VWA5B1: variants seen among roughly 807,000 people sequenced by gnomAD.
VWA5B1 encodes von Willebrand factor A domain containing 5B1.
Under a neutral mutation model 118.2 loss-of-function variants are expected in VWA5B1, and 115 were observed. The ratio of observed to expected loss-of-function variants is 0.97; its 90% CI spans 0.84 to 1.14. The LOEUF is 1.14. Ranked by LOEUF, VWA5B1 falls within the 50% of genes most tolerant of loss-of-function variation. The probability of loss-of-function intolerance (pLI) is 0.00; values close to 1 mark genes in which losing one functional copy is unlikely to be tolerated. For synonymous variants in VWA5B1, 682 were observed against 658.4 expected, an observed-to-expected ratio of 1.04 and a Z score of -0.55; for missense variants, 1,596 against 1,603.8, an observed-to-expected ratio of 1.00 and a Z score of 0.08.
At position 20,318,718 on chromosome 1, in the gene VWA5B1, A is replaced by T. The variant is rs1445952691; in HGVS notation, c.838A>T (p.Ser280Cys). Residue 280 changes from serine (S) to cysteine (C), a missense_variant, in exon 6 of 22, where the codon AGC (serine) becomes TGC (cysteine). Ser to Cys is a moderately radical substitution (Grantham distance 112, BLOSUM62 -1). Coordinates refer to ENST00000289815, the MANE Select transcript of VWA5B1 (RefSeq NM_001039500.3). Reference sequence around the variant, plus strand: ...GCCTGTGGAGATCCTCATCCACCCCAGCGGTACGGTGCCCCACAACGGGCC... The same window carrying T: ...GCCTGTGGAGATCCTCATCCACCCCTGCGGTACGGTGCCCCACAACGGGCC... ...DRPVEILIHPSEPHMPHVLIE... is the reference protein window; with the variant it reads ...DRPVEILIHPCEPHMPHVLIE... 1 of 1,495,590 alleles carries T rather than the reference A, an allele frequency of 6.7e-7. No homozygotes were observed. The highest frequency in any genetic ancestry group is 9.0e-7 in the Non-Finnish European group (1 of 1,115,500). The allele number at this position is 1,495,590 out of a possible 1,614,324, so 92.6% of individuals were successfully genotyped here.
At chr1:20,341,810 C>T (rs59596174) in intron 14 of VWA5B1, among the ~76,000 whole-genome samples, 21,290 of 152,040 alleles carry the variant, frequency 0.14, 1,923 homozygotes, top group East Asian at 0.52. Flanking sequence ...TAAAACCAAA[C>T]GTGCATGAAA....
At chr1:20,295,374 C>G (rs2088384537) in intron 1 of VWA5B1, among the ~76,000 whole-genome samples, 1 of 152,164 alleles carries the variant, frequency 6.6e-6, no homozygotes, top group African/African-American at 2.4e-5. Context: ...AGACTATGAA[C>G]AGTCCCAGAG....
intron 5 of VWA5B1, among the ~76,000 whole-genome samples, chr1:20,318,223 T>C (rs796787247): frequency 4.0e-5 from 6 of 151,814 alleles, no homozygotes; most frequent in South Asian, 4.2e-4. Context: ...TAGAGCAACA[T>C]TGCATTCCAG....
At chr1:20,309,865 G>C (rs1361817806) in intron 1 of VWA5B1, among the ~76,000 whole-genome samples, 9 of 148,908 alleles carry the variant, frequency 6.0e-5, no homozygotes, top group African/African-American at 2.2e-4. Flanking sequence ...CGGATACAAG[G>C]GCTTTTCTAG....
Position 20,340,086 on chromosome 1 carries a change from G to A in VWA5B1, c.2133+2250G>A, listed in dbSNP as rs571216801. Among the ~76,000 whole-genome samples the A allele has an allele frequency of 3.3e-5, 5 of 152,048 alleles. No individual in the cohort carries two copies. The South Asian group carries it at 1.0e-3, about 32-fold the overall frequency. Reference sequence around the variant, plus strand: ...ATTCCCCTTTACTTCTTTCCTGCGCGCTCCCTAGCTCTTCAGACCCATCTC... The same window carrying A: ...ATTCCCCTTTACTTCTTTCCTGCGCACTCCCTAGCTCTTCAGACCCATCTC... On this transcript the variant is annotated intron_variant, in intron 14 of 21. Coordinates refer to ENST00000289815, the MANE Select transcript of VWA5B1 (RefSeq NM_001039500.3).
At chr1:20,315,020 A>G (rs968151747) in intron 4 of VWA5B1, among the ~76,000 whole-genome samples, 7 of 152,206 alleles carry the variant, frequency 4.6e-5, no homozygotes, top group African/African-American at 1.4e-4. Flanking sequence ...TTATGTGACT[A>G]ATTATGTACT....
At chr1:20,310,310 A>G (rs1325538075) in intron 1 of VWA5B1, among the ~76,000 whole-genome samples, 1 of 152,152 alleles carries the variant, frequency 6.6e-6, no homozygotes, top group Non-Finnish European at 1.5e-5. Flanking sequence ...CTGTGCGCCA[A>G]CGCTTTGAGT....
Position 20,318,725 on chromosome 1 carries a change from C to G in VWA5B1, c.841+4C>G, listed in dbSNP as rs754381482. On this transcript the variant is annotated splice_donor_region_variant and intron_variant, in intron 6 of 21. Coordinates refer to ENST00000289815, the MANE Select transcript of VWA5B1 (RefSeq NM_001039500.3). ...GAGATCCTCATCCACCCCAGCGGTA[C>G]GGTGCCCCACAACGGGCCCCTGGGC... 30 of 1,481,144 alleles carry G rather than the reference C, an allele frequency of 2.0e-5. No individual in the cohort carries two copies. The highest frequency in any genetic ancestry group is 6.8e-5 in the Admixed American group (3 of 44,226). 91.8% of individuals were successfully genotyped at this position (1,481,144 alleles called of 1,614,324 possible). A position where few individuals can be genotyped will look rare whatever the true frequency, so the allele number is the denominator to read the frequency against.
intron 1 of VWA5B1, among the ~76,000 whole-genome samples, chr1:20,294,629 G>C (rs12081122): frequency 6.7e-6 from 1 of 150,196 alleles, no homozygotes; most frequent in South Asian, 2.1e-4. Flanking sequence ...ACAGGCATGC[G>C]CCACCACGCC....
Position 20,318,792 on chromosome 1 carries a change from AC to A in VWA5B1, c.841+72del, listed in dbSNP as rs933991821. 57 of 1,419,142 alleles carry A rather than the reference AC, an allele frequency of 4.0e-5. No individual in the cohort carries two copies. The African/African-American group carries it at 7.7e-4, about 19-fold the overall frequency. The allele number at this position is 1,419,142 out of a possible 1,614,324, so 87.9% of individuals were successfully genotyped here. ...GAGGTGCTGATCCTGTGGGGACAGA[AC>A]ATGTGGCCCCCCGCCCAGCAGCTAG... On this transcript the variant is annotated intron_variant, in intron 6 of 21. Transcript: ENST00000289815.
chr1:20,345,386 G>T, intron 16 of VWA5B1, 70 bp from the exon 17 acceptor site: 2 of 1,546,332 alleles, frequency 1.3e-6, no homozygotes, highest in South Asian at 1.2e-5. Context: ...CCCCTTTTTA[G>T]CTTCCAAAGC....
At chr1:20,347,466 G>A (rs10799630) in intron 17 of VWA5B1, among the ~76,000 whole-genome samples, 2,302 of 151,246 alleles carry the variant, frequency 0.015, 58 homozygotes, top group African/African-American at 0.052. Flanking sequence ...CTTTGAGAGA[G>A]TCTTGCTCTG....
rs1381880283 is a variant in VWA5B1 at position 20,317,558 on chromosome 1, G to A, written c.592G>A (p.Ala198Thr). 6.4e-7 allele frequency: 1 copy of A among 1,551,648 alleles called. No homozygotes were observed. Among genetic ancestry groups the A allele is most frequent in the Non-Finnish European group, 8.7e-7 (1 of 1,146,974 alleles). Residue 198 changes from alanine (A) to threonine (T), a missense_variant, in exon 5 of 22, where the codon GCC becomes ACC. By Grantham distance (58) the Ala-to-Thr change is moderately conservative. Coordinates refer to ENST00000289815, the MANE Select transcript of VWA5B1 (RefSeq NM_001039500.3). ...AGACAGGCACTGCTTCGGTGCCTGGGCCCCGGGCTCCTGGAATAAGTTGTG... is the reference window on the plus strand; with the variant it reads ...AGACAGGCACTGCTTCGGTGCCTGGACCCCGGGCTCCTGGAATAAGTTGTG... ...GKDRHCFGAW[A>T]PGSWNKLCLA...
intron 13 of VWA5B1, 108 bp downstream of exon 13, chr1:20,336,594 A>G (rs1029372872): frequency 8.4e-7 from 1 of 1,196,366 alleles, no homozygotes; most frequent in African/African-American, 1.6e-5. Flanking sequence ...AGAGGTGGGT[A>G]CTGTTATACC....
Position 20,328,126 on chromosome 1 carries a change from C to A in VWA5B1, c.1254+126C>A, listed in dbSNP as rs927901911. On this transcript the variant is annotated intron_variant, in intron 9 of 21. Transcript: ENST00000289815. The stretch of plus-strand genomic sequence containing the variant: ...TCAGAAGCTGCCTACCCACAGAGAA[C>A]CCAGATCACACCCGGGGGCAGAGAA... 23 of 840,628 alleles carry A rather than the reference C, an allele frequency of 2.7e-5. No individual in the cohort carries two copies. The South Asian group carries it at 3.7e-4, about 13-fold the overall frequency. 52.1% of individuals were successfully genotyped at this position (840,628 alleles called of 1,614,324 possible).
At chr1:20,335,827 A>C (rs2089699467) in intron 12 of VWA5B1, among the ~76,000 whole-genome samples, 1 of 152,132 alleles carries the variant, frequency 6.6e-6, no homozygotes, top group Non-Finnish European at 1.5e-5. Context: ...GAGGTGATAG[A>C]AGGGAATAAG....
intron 3 of VWA5B1, among the ~76,000 whole-genome samples, chr1:20,313,251 C>A (rs1399129461): frequency 6.6e-6 from 1 of 152,186 alleles, no homozygotes; most frequent in Non-Finnish European, 1.5e-5. Context: ...GGAAGGGAGG[C>A]AACAAAAGGA....
chr1:20,343,514 A>G, intron 16 of VWA5B1, 121 bp downstream of exon 16: 1 of 1,324,316 alleles, frequency 7.6e-7, no homozygotes, highest in South Asian at 1.6e-5. Flanking sequence ...TGGTCCGCCC[A>G]CCTGCTTCCC....
chr1:20,301,394 C>T (rs988884249), intron 1 of VWA5B1, among the ~76,000 whole-genome samples: 1 of 152,176 alleles, frequency 6.6e-6, no homozygotes, highest in South Asian at 2.1e-4. Context: ...CATTTTTACC[C>T]GCCCACTATA....
Sources: allele counts gnomAD v4.1 joint callset (sites outside exome capture counted in the v4.1 genomes callset), GRCh38; gene constraint gnomAD v4.1.1; transcripts MANE v1.5; gene names NCBI Gene and HGNC (gene_info 2026-07-23, HGNC 2026-07-21).